FGF1: variants seen among roughly 807,000 people sequenced by gnomAD.
The protein encoded by FGF1 is fibroblast growth factor 1, also known as beta-endothelial cell growth factor.
FGF1 carries 9 observed loss-of-function variants against 13.4 expected under a neutral mutation model. The ratio of observed to expected loss-of-function variants is 0.67; its 90% CI spans 0.40 to 1.17. The LOEUF (loss-of-function observed/expected upper bound fraction) is 1.17. Ranked by LOEUF, FGF1 falls within the 50% of genes most tolerant of loss-of-function variation. FGF1 has a pLI of 0.01. For missense variants in FGF1, 156 were observed against 192.7 expected (o/e 0.81, Z 1.13); for synonymous variants, 93 against 79.0 (o/e 1.18, Z -0.94).
At chr5:142,617,139 T>C (rs201329738) in intron 1 of FGF1, among the ~76,000 whole-genome samples, 39 of 152,138 alleles carry the variant, frequency 2.6e-4, no homozygotes, top group African/African-American at 9.4e-4. Context: ...CCGAGGTGGG[T>C]GGATCACCTG....
intron 1 of FGF1, among the ~76,000 whole-genome samples, chr5:142,631,380 G>A (rs931475779): frequency 2.6e-5 from 4 of 152,240 alleles, no homozygotes; most frequent in Non-Finnish European, 2.9e-5. Context: ...AAAATAGACC[G>A]GACTTGACCT....
intron 1 of FGF1, among the ~76,000 whole-genome samples, chr5:142,649,358 C>T (rs954020652): frequency 8.6e-5 from 13 of 151,662 alleles, no homozygotes; most frequent in Non-Finnish European, 1.3e-4. Flanking sequence ...AGTACATTCT[C>T]ATCTTGCAAA....
chr5:142,648,745 G>A (rs905469414), intron 1 of FGF1, among the ~76,000 whole-genome samples: 10 of 142,718 alleles, frequency 7.0e-5, no homozygotes, highest in Non-Finnish European at 1.2e-4. Context: ...ATGGAGAGAA[G>A]CTTTTCTCAA....
chr5:142,672,519 T>C (rs2152030870), intron 1 of FGF1, among the ~76,000 whole-genome samples: 1 of 150,788 alleles, frequency 6.6e-6, no homozygotes, highest in African/African-American at 2.4e-5. Context: ...TTTTTTTTTT[T>C]TTTGAAACCA....
intron 1 of FGF1, among the ~76,000 whole-genome samples, chr5:142,646,126 G>C (rs1253787856): frequency 1.3e-5 from 2 of 150,696 alleles, no homozygotes; most frequent in Non-Finnish European, 2.9e-5. Flanking sequence ...AGCCAGGATG[G>C]TCTCGATCTC....
intron 1 of FGF1, among the ~76,000 whole-genome samples, chr5:142,675,933 G>A (rs956827222): frequency 3.9e-5 from 6 of 152,290 alleles, no homozygotes; most frequent in South Asian, 2.1e-4. Context: ...TGCATTGAGC[G>A]AAAGGGATCT....
intron 1 of FGF1, among the ~76,000 whole-genome samples, chr5:142,633,903 G>T (rs544065640): frequency 2.0e-5 from 3 of 152,066 alleles, no homozygotes; most frequent in Admixed American, 6.6e-5. Context: ...GACCTCCCTC[G>T]GCTGGGCGTG....
At chr5:142,616,532 G>C (rs1000033172) in intron 1 of FGF1, among the ~76,000 whole-genome samples, 94 of 152,286 alleles carry the variant, frequency 6.2e-4, no homozygotes, top group African/African-American at 2.2e-3. Context: ...GGATTGCAGA[G>C]TTTACCTTGC....
chr5:142,663,962 C>T (rs1380607161), intron 1 of FGF1, among the ~76,000 whole-genome samples: 3 of 151,896 alleles, frequency 2.0e-5, no homozygotes, highest in South Asian at 4.1e-4. Flanking sequence ...AAGTGGAGCT[C>T]GGGAAAAGAA....
In FGF1 at chr5:142,618,919, T is replaced by C. The variant is rs548176177; in HGVS notation, c.-34-4758A>G. ...AAGGCAAACACTGACATTTATTTTTTAGTTGTTTTGTTTTTTTTTTTTTTT... is the reference window on the plus strand; with the variant it reads ...AAGGCAAACACTGACATTTATTTTTCAGTTGTTTTGTTTTTTTTTTTTTTT... On this transcript the variant is annotated intron_variant, in intron 1 of 3. Transcript: ENST00000337706. Among the ~76,000 whole-genome samples, 111 of 125,950 alleles carry C rather than the reference T, an allele frequency of 8.8e-4. 9 individuals are homozygous for C. The East Asian group carries it at 0.026, about 29-fold the overall frequency. 82.6% of individuals were successfully genotyped at this position (125,950 alleles called of 152,430 possible).
Position 142,603,065 on chromosome 5 carries a change from C to T in FGF1, c.170-2260G>A, listed in dbSNP as rs141738998. On this transcript the variant is annotated intron_variant, in intron 2 of 3. Transcript: ENST00000337706. ...TGGAAGCCACTGATGCACTTTCTCACGGGTCCTCCTAGGAATGGTTAGCTC... is the reference window on the plus strand; with the variant it reads ...TGGAAGCCACTGATGCACTTTCTCATGGGTCCTCCTAGGAATGGTTAGCTC... Among the ~76,000 whole-genome samples the T allele has an allele frequency of 1.9e-3, 292 of 152,238 alleles. 1 individual carries two copies. Among genetic ancestry groups the T allele is most frequent in the African/African-American group, 6.5e-3 (270 of 41,542 alleles).
chr5:142,629,980 G>A (rs932721828), intron 1 of FGF1, among the ~76,000 whole-genome samples: 4 of 149,950 alleles, frequency 2.7e-5, no homozygotes, highest in African/African-American at 7.4e-5. Flanking sequence ...TGTAAGCCCC[G>A]CCTGCCGGGT....
At chr5:142,617,107 GC>G (rs1337146575) in intron 1 of FGF1, among the ~76,000 whole-genome samples, 1 of 152,214 alleles carries the variant, frequency 6.6e-6, no homozygotes, top group Non-Finnish European at 1.5e-5. Flanking sequence ...GCTCATGCCT[GC>G]AATCCTAGCA....
chr5:142,602,735 C>A (rs1230848999), intron 2 of FGF1, among the ~76,000 whole-genome samples: 1 of 151,648 alleles, frequency 6.6e-6, no homozygotes, highest in African/African-American at 2.4e-5. Context: ...TTTTGCTTAA[C>A]AACTAATTGT....
chr5:142,693,021 T>C (rs777387536), intron 2 of FGF1, among the ~76,000 whole-genome samples: 20 of 152,190 alleles, frequency 1.3e-4, no homozygotes, highest in Non-Finnish European at 1.5e-5. Context: ...GAAAATAAAG[T>C]AGTGAGACTG....
In FGF1 at chr5:142,592,308, G is replaced by C; in HGVS notation, c.*2982C>G. On this transcript the variant is annotated 3_prime_UTR_variant, in exon 4 of 4. Coordinates refer to ENST00000337706, the MANE Select transcript of FGF1 (RefSeq NM_000800.5). ...CAGCCTGTGAGTTTAGTTGTCAGCA[G>C]TACACTCAAGGCTGAGGACTTGGCG... The C allele has an allele frequency of 2.5e-6, 1 of 398,552 alleles. No individual in the cohort carries two copies. Among genetic ancestry groups the C allele is most frequent in the Non-Finnish European group, 4.4e-6 (1 of 225,994 alleles). The allele number at this position is 398,552 out of a possible 1,614,324, so 24.7% of individuals were successfully genotyped here.
upstream of FGF1, among the ~76,000 whole-genome samples, chr5:142,686,765 G>A (rs971683227): frequency 1.3e-5 from 2 of 152,194 alleles, no homozygotes; most frequent in East Asian, 1.9e-4. Flanking sequence ...AGCCATCCAG[G>A]TTGGGACTGG....
At chr5:142,688,433 C>T (rs202173404), upstream of FGF1, among the ~76,000 whole-genome samples, 9 of 152,284 alleles carry the variant, frequency 5.9e-5, no homozygotes, top group East Asian at 1.7e-3. Context: ...AGGGACTTTG[C>T]AATGACCTAG....
rs142157162 is a variant in FGF1 at position 142,625,232 on chromosome 5, T to C, written c.-34-11071A>G. 2.5e-3 allele frequency among the ~76,000 whole-genome samples: 386 copies of C among 152,096 alleles called. 1 individual carries two copies. Among genetic ancestry groups the C allele is most frequent in the African/African-American group, 8.9e-3 (368 of 41,474 alleles). On this transcript the variant is annotated intron_variant, in intron 1 of 3. Coordinates refer to ENST00000337706, the MANE Select transcript of FGF1 (RefSeq NM_000800.5). ...TAACTGGCAGGAAGTGGGGCTGTTA[T>C]CTAATCCAGCTGTGTCACCAAACAG...
Sources: gnomAD v4.1 joint callset for allele counts (sites outside exome capture counted in the v4.1 genomes callset) on GRCh38, gnomAD v4.1.1 for gene constraint, MANE v1.5 for transcripts, NCBI Gene and HGNC (gene_info 2026-07-23, HGNC 2026-07-21) for gene names.